NCAM1: variants seen among roughly 807,000 people sequenced by gnomAD.
NCAM1 encodes neural cell adhesion molecule 1.
A neutral mutation model predicts 109.8 loss-of-function variants in NCAM1; 14 were observed. The ratio of observed to expected loss-of-function variants is 0.13; its 90% CI spans 0.08 to 0.20. The LOEUF is 0.20. Among genes scored for constraint, NCAM1 ranks in the 10% least tolerant of loss-of-function variants. The pLI is 1.00. For missense variants in NCAM1, 774 were observed against 1,109.9 expected (o/e 0.70, Z 4.30); for synonymous variants, 418 against 442.9 (o/e 0.94, Z 0.70).
chr11:113,044,885 C>T (rs1555080531), intron 1 of NCAM1, among the ~76,000 whole-genome samples: 1 of 151,948 alleles, frequency 6.6e-6, no homozygotes, highest in Non-Finnish European at 1.5e-5. Context: ...TCCCGAGTAG[C>T]TGGGACTACA....
At chr11:113,231,010 C>T (rs934847296) in intron 9 of NCAM1, among the ~76,000 whole-genome samples, 1 of 152,216 alleles carries the variant, frequency 6.6e-6, no homozygotes, top group South Asian at 2.1e-4. Context: ...CTCTCTGTGC[C>T]ATTGTCCCTG....
At chr11:113,023,449 G>T (rs1272964467) in intron 1 of NCAM1, among the ~76,000 whole-genome samples, 4 of 152,154 alleles carry the variant, frequency 2.6e-5, no homozygotes, top group African/African-American at 4.8e-5. Flanking sequence ...TTACAGCCAA[G>T]AATTCACTTG....
intron 14 of NCAM1, 82 bp from the exon 15 acceptor site, chr11:113,246,286 C>T: frequency 4.3e-6 from 3 of 697,090 alleles, no homozygotes; most frequent in Non-Finnish European, 7.9e-6. Context: ...TTCCTTTCAA[C>T]CAATATCATG....
intron 1 of NCAM1, among the ~76,000 whole-genome samples, chr11:113,157,278 G>C (rs536080759): frequency 6.6e-6 from 1 of 152,102 alleles, no homozygotes; most frequent in African/African-American, 2.4e-5. Context: ...AGAGCACCTA[G>C]GACATTTGAA....
intron 1 of NCAM1, among the ~76,000 whole-genome samples, chr11:112,971,788 G>T (rs1240402159): frequency 6.6e-6 from 1 of 152,146 alleles, no homozygotes; most frequent in Non-Finnish European, 1.5e-5. Context: ...GATAAATATT[G>T]CCTGGGAACC....
At position 113,145,465 on chromosome 11, in the gene NCAM1, A is replaced by G. The variant is rs189038458; in HGVS notation, c.53-56914A>G. 7.4e-3 allele frequency among the ~76,000 whole-genome samples: 1,131 copies of G among 152,278 alleles called. 12 individuals are homozygous for G. The highest frequency in any genetic ancestry group is 0.026 in the African/African-American group (1,078 of 41,546). ...AGGAAAAATCAGAATCTCCCACTCA[A>G]TCTTTCATCTTAGAAACTTTAAAAT... On this transcript the variant is annotated intron_variant, in intron 1 of 19. Transcript: ENST00000316851.
At chr11:113,146,698 A>G (rs1446971596) in intron 1 of NCAM1, among the ~76,000 whole-genome samples, 2 of 152,182 alleles carry the variant, frequency 1.3e-5, no homozygotes, top group Admixed American at 1.3e-4. Flanking sequence ...GATGGAGTTG[A>G]TGGCAATGGT....
chr11:113,244,517 G>A (rs1945438646), intron 14 of NCAM1, among the ~76,000 whole-genome samples: 3 of 152,196 alleles, frequency 2.0e-5, no homozygotes, highest in South Asian at 4.1e-4. Flanking sequence ...TTTCTCACTA[G>A]TAAGATGAAA....
At chr11:113,214,684 T>TC (rs1944477930) in intron 8 of NCAM1, among the ~76,000 whole-genome samples, 173 bp downstream of exon 8, 1 of 152,100 alleles carries the variant, frequency 6.6e-6, no homozygotes, top group South Asian at 2.1e-4. Context: ...CTGCTCATCA[T>TC]CCCCTTGTAA....
chr11:113,167,884 C>CTGT, intron 1 of NCAM1, among the ~76,000 whole-genome samples: 1 of 152,256 alleles, frequency 6.6e-6, no homozygotes, highest in South Asian at 2.1e-4. Context: ...GGGTGTATTA[C>CTGT]TGTTGTTGTT....
At position 113,126,690 on chromosome 11, in the gene NCAM1, C is replaced by T. The variant is rs114378726; in HGVS notation, c.53-75689C>T. 3.0e-3 allele frequency among the ~76,000 whole-genome samples: 454 copies of T among 152,276 alleles called. 2 individuals are homozygous for T. The highest frequency in any genetic ancestry group is 0.011 in the African/African-American group (437 of 41,556). ...TAGTTTTGAAATTCTTTTACATGAA[C>T]GGTTCTCATAAAAAGAAACATTGTT... is the stretch of plus-strand genomic sequence containing the variant. On this transcript the variant is annotated intron_variant, in intron 1 of 19. Coordinates refer to ENST00000316851, the MANE Select transcript of NCAM1 (RefSeq NM_181351.5).
At chr11:113,039,178 T>C (rs1487390892) in intron 1 of NCAM1, among the ~76,000 whole-genome samples, 2 of 152,212 alleles carry the variant, frequency 1.3e-5, no homozygotes, top group Non-Finnish European at 2.9e-5. Context: ...TAATGCATTA[T>C]GTATGATAGG....
intron 1 of NCAM1, among the ~76,000 whole-genome samples, chr11:113,174,058 G>A (rs1555106671): frequency 1.3e-5 from 2 of 152,152 alleles, no homozygotes; most frequent in Non-Finnish European, 2.9e-5. Context: ...CAGAATGAAA[G>A]CTTTAACTAG....
At chr11:113,215,798 A>T (rs1195113880) in intron 8 of NCAM1, among the ~76,000 whole-genome samples, 1 of 152,206 alleles carries the variant, frequency 6.6e-6, no homozygotes, top group African/African-American at 2.4e-5. Context: ...TTACTTGGAT[A>T]CTTTCTTTAT....
intron 1 of NCAM1, among the ~76,000 whole-genome samples, chr11:113,194,841 C>T (rs935656382): frequency 2.6e-5 from 4 of 152,182 alleles, no homozygotes; most frequent in Non-Finnish European, 4.4e-5. Context: ...ACAGCATTTC[C>T]CAAGGGCTTC....
chr11:113,063,638 C>T (rs920593943), intron 1 of NCAM1, among the ~76,000 whole-genome samples: 2 of 152,184 alleles, frequency 1.3e-5, no homozygotes, highest in Admixed American at 6.5e-5. Flanking sequence ...GGATGGGGTT[C>T]AGACATTCTG....
rs76774551 is a variant in NCAM1, at chr11:113,102,998, C to T, written c.53-99381C>T. 6.7e-3 allele frequency among the ~76,000 whole-genome samples: 283 copies of T among 42,300 alleles called. 1 individual carries two copies. The African/African-American group carries it at 0.074, about 11-fold the overall frequency. 27.8% of individuals were successfully genotyped at this position (42,300 alleles called of 152,430 possible). ...AAATTTGGTTACAGACATGTTTCTG[C>T]GTGTTTGTGATTAGGTAGAAGGTGC... On this transcript the variant is annotated intron_variant, in intron 1 of 19. Transcript: ENST00000316851.
At chr11:113,261,093 G>A (rs1945980528) in intron 17 of NCAM1, among the ~76,000 whole-genome samples, 1 of 152,200 alleles carries the variant, frequency 6.6e-6, no homozygotes, top group South Asian at 2.1e-4. Flanking sequence ...GCCAACCCCA[G>A]GCAGGAGAGG....
chr11:113,109,742 A>G (rs1306296024), intron 1 of NCAM1, among the ~76,000 whole-genome samples: 1 of 152,128 alleles, frequency 6.6e-6, no homozygotes, highest in African/African-American at 2.4e-5. Flanking sequence ...TGAAAAAGTG[A>G]CTTTTGTGCT....
Sources: allele counts gnomAD v4.1 joint callset (sites outside exome capture counted in the v4.1 genomes callset), GRCh38; gene constraint gnomAD v4.1.1; transcripts MANE v1.5; gene names NCBI Gene and HGNC (gene_info 2026-07-23, HGNC 2026-07-21).